Variants in COL25A1 observed in about 807,000 individuals in gnomAD.
COL25A1 encodes collagen alpha-1(XXV) chain.
Under a neutral mutation model 128.4 loss-of-function variants are expected in COL25A1, and 103 were observed. That is an observed-to-expected ratio of 0.80 (90% CI 0.68 to 0.94). The LOEUF is 0.94. COL25A1 is among the 40% of genes least tolerant of loss of function. The probability of loss-of-function intolerance (pLI) is 0.00; values close to 1 mark genes in which losing one functional copy is unlikely to be tolerated. For synonymous variants in COL25A1, 279 were observed against 277.2 expected, an observed-to-expected ratio of 1.01 and a Z score of -0.06; for missense variants, 745 against 840.0, an observed-to-expected ratio of 0.89 and a Z score of 1.40.
intron 3 of COL25A1, among the ~76,000 whole-genome samples, chr4:109,298,834 G>C (rs1725241298): frequency 6.6e-6 from 1 of 151,990 alleles, no homozygotes; most frequent in African/African-American, 2.4e-5. Context: ...GTGGAGCTCT[G>C]GTGGTGGCAA....
chr4:108,820,858 G>T (rs1370576923), intron 35 of COL25A1, among the ~76,000 whole-genome samples: 2 of 152,160 alleles, frequency 1.3e-5, no homozygotes, highest in African/African-American at 4.8e-5. Flanking sequence ...TGGGAAATCT[G>T]CATGGATCAT....
intron 3 of COL25A1, among the ~76,000 whole-genome samples, chr4:109,124,458 C>T (rs1768398072): frequency 6.6e-6 from 1 of 151,886 alleles, no homozygotes; most frequent in South Asian, 2.1e-4. Flanking sequence ...TACTAATACA[C>T]AAAATTTTAA....
At chr4:109,019,526 C>T (rs1757534337) in intron 5 of COL25A1, among the ~76,000 whole-genome samples, 1 of 151,840 alleles carries the variant, frequency 6.6e-6, no homozygotes, top group South Asian at 2.1e-4. Context: ...AACTTACAAT[C>T]ATGGTAGAAG....
chr4:108,851,033 C>A lies in COL25A1; in HGVS notation c.1389+1203G>T, dbSNP rs181895407. On this transcript the variant is annotated intron_variant, in intron 26 of 37. Transcript: ENST00000399132. ...TTTTGGTTCTGGAGTCTTAGTCAAG[C>A]GAGGAGGTGAAATAATGAACTTAGA... 1.6e-3 allele frequency among the ~76,000 whole-genome samples: 250 copies of A among 151,880 alleles called. 1 individual carries two copies. The highest frequency in any genetic ancestry group is 5.8e-3 in the African/African-American group (240 of 41,406).
chr4:109,098,209 G>A (rs980718003), intron 3 of COL25A1, among the ~76,000 whole-genome samples: 1 of 152,186 alleles, frequency 6.6e-6, no homozygotes, highest in African/African-American at 2.4e-5. Flanking sequence ...AGACACAGAA[G>A]TGCTAAATTG....
At chr4:109,142,076 T>C (rs934568411) in intron 3 of COL25A1, among the ~76,000 whole-genome samples, 1 of 152,224 alleles carries the variant, frequency 6.6e-6, no homozygotes, top group African/African-American at 2.4e-5. Flanking sequence ...TGCTATCAGT[T>C]TCCCTCTAAA....
Position 109,054,247 on chromosome 4 carries a change from A to G in COL25A1, c.368-4068T>C, listed in dbSNP as rs190335715. On this transcript the variant is annotated intron_variant, in intron 3 of 37. Transcript: ENST00000399132. ...TTACACTATTCAAGGAGGCAATTTA[A>G]TATACTAAAGACAACATGGAACACA... 2.2e-3 allele frequency among the ~76,000 whole-genome samples: 338 copies of G among 152,342 alleles called. 2 individuals are homozygous for G. Among genetic ancestry groups the G allele is most frequent in the Non-Finnish European group, 4.4e-4 (30 of 68,034 alleles).
intron 29 of COL25A1, 118 bp downstream of exon 29, chr4:108,845,071 A>G: frequency 2.4e-6 from 2 of 842,548 alleles, no homozygotes; most frequent in Non-Finnish European, 4.1e-6. Context: ...TGACAAACCA[A>G]GAGGTTTGAG....
intron 6 of COL25A1, among the ~76,000 whole-genome samples, chr4:109,002,809 A>C (rs1159805884): frequency 2.0e-5 from 3 of 152,034 alleles, no homozygotes; most frequent in African/African-American, 7.2e-5. Context: ...CATATGCAGA[A>C]CTTGCAGGTT....
At chr4:108,992,073 C>T (rs1213668031) in intron 6 of COL25A1, among the ~76,000 whole-genome samples, 3 of 152,300 alleles carry the variant, frequency 2.0e-5, no homozygotes, top group Non-Finnish European at 4.4e-5. Flanking sequence ...GTACAAATGG[C>T]AGCCTCAAGC....
intron 3 of COL25A1, among the ~76,000 whole-genome samples, chr4:109,237,208 C>T (rs1779532913): frequency 1.3e-5 from 2 of 151,758 alleles, no homozygotes; most frequent in South Asian, 4.1e-4. Context: ...CATGGGAAAG[C>T]AAGAGAGGAA....
At chr4:109,167,173 T>A (rs1773150711) in intron 3 of COL25A1, among the ~76,000 whole-genome samples, 1 of 152,162 alleles carries the variant, frequency 6.6e-6, no homozygotes, top group East Asian at 1.9e-4. Flanking sequence ...GTATAACATC[T>A]TAAGTAGGTT....
intron 3 of COL25A1, among the ~76,000 whole-genome samples, chr4:109,217,750 T>C (rs1193286984): frequency 6.6e-6 from 1 of 152,180 alleles, no homozygotes; most frequent in African/African-American, 2.4e-5. Context: ...CTACACACAT[T>C]AGGTATTACT....
intron 16 of COL25A1, among the ~76,000 whole-genome samples, chr4:108,890,866 C>T (rs1741402960): frequency 2.6e-5 from 4 of 152,192 alleles, no homozygotes; most frequent in Non-Finnish European, 5.9e-5. Flanking sequence ...TCTCTCCCCT[C>T]TGCCCATGGC....
chr4:109,022,839 T>C (rs950971416), intron 5 of COL25A1, among the ~76,000 whole-genome samples: 7 of 152,152 alleles, frequency 4.6e-5, no homozygotes, highest in Admixed American at 3.9e-4. Context: ...AAAGGCTGTG[T>C]AACACTGCTT....
chr4:109,218,356 G>GTTTTTTTTTTTTTT (rs796441649), intron 3 of COL25A1, among the ~76,000 whole-genome samples: 1 of 100,470 alleles, frequency 1.0e-5, no homozygotes, highest in African/African-American at 4.1e-5. Flanking sequence ...GGTTTTTTGG[G>GTTTTTTTTTTTTTT]GTTTTTTTTT....
intron 3 of COL25A1, among the ~76,000 whole-genome samples, chr4:109,240,399 T>C (rs1284827921): frequency 2.0e-5 from 3 of 152,078 alleles, no homozygotes; most frequent in Non-Finnish European, 2.9e-5. Context: ...TGATGGGTCA[T>C]ATATGCAGTT....
chr4:108,827,117 A>C lies in COL25A1; in HGVS notation c.1764+18T>G. ...ATGCATGCGGAAGGTGGGGAGGTGCATGTGACCAGGAACTCACAGGCAGCC... is the reference window on the plus strand; with the variant it reads ...ATGCATGCGGAAGGTGGGGAGGTGCCTGTGACCAGGAACTCACAGGCAGCC... On this transcript the variant is annotated intron_variant, in intron 33 of 37. Transcript: ENST00000399132. 1.2e-6 allele frequency: 2 copies of C among 1,611,482 alleles called. No homozygotes were observed. The highest frequency in any genetic ancestry group is 1.7e-6 in the Non-Finnish European group (2 of 1,177,932).
At chr4:108,922,893 CAT>C (rs760847870) in intron 11 of COL25A1, among the ~76,000 whole-genome samples, 18 of 152,096 alleles carry the variant, frequency 1.2e-4, no homozygotes, top group Non-Finnish European at 2.2e-4. Context: ...CAGAAATGTG[CAT>C]ATACTTCTTT....
Sources: allele counts gnomAD v4.1 joint callset (sites outside exome capture counted in the v4.1 genomes callset), GRCh38; gene constraint gnomAD v4.1.1; transcripts MANE v1.5; gene names NCBI Gene and HGNC (gene_info 2026-07-23, HGNC 2026-07-21).